The following BCAR3 variants were observed in gnomAD, a reference collection of about 807,000 sequenced individuals.
BCAR3 encodes breast cancer anti-estrogen resistance protein 3.
Under a neutral mutation model 80.1 loss-of-function variants are expected in BCAR3, and 37 were observed. That is an observed-to-expected ratio of 0.46 (90% CI 0.36 to 0.61). The LOEUF (loss-of-function observed/expected upper bound fraction) is 0.61, where lower values mean the gene tolerates loss of function less well. BCAR3 is among the 20% of genes least tolerant of loss of function. BCAR3 has a pLI of 0.00. For synonymous variants in BCAR3, 389 were observed against 418.9 expected (o/e 0.93, Z 0.87); for missense variants, 978 against 1,068.2 (o/e 0.92, Z 1.18).
intron 3 of BCAR3, among the ~76,000 whole-genome samples, chr1:93,611,507 T>C (rs1674944794): frequency 6.6e-6 from 1 of 152,256 alleles, no homozygotes; most frequent in South Asian, 2.1e-4. Flanking sequence ...ATGTAACGGC[T>C]GTCTACTGTG....
chr1:93,761,256 T>C (rs1571105542), intron 2 of BCAR3, among the ~76,000 whole-genome samples: 1 of 152,164 alleles, frequency 6.6e-6, no homozygotes, highest in East Asian at 1.9e-4. Flanking sequence ...TTTCCACCTA[T>C]TTCTGCTGAC....
intron 2 of BCAR3, among the ~76,000 whole-genome samples, chr1:93,707,478 G>A (rs1649865354): frequency 1.3e-5 from 2 of 152,130 alleles, no homozygotes; most frequent in African/African-American, 4.8e-5. Context: ...GGGAGGCCAA[G>A]GTGGGCAGAT....
At position 93,582,957 on chromosome 1, in the gene BCAR3, T is replaced by TG; in HGVS notation, c.1034-5dup. On this transcript the variant is annotated splice_polypyrimidine_tract_variant and splice_region_variant and intron_variant, in intron 6 of 11. Transcript: ENST00000260502. ...GACTGAGGTGGCAGCTTGCAGCCTG[T>TG]GGGGGATAAGAAAAGGTCAGAGAAA... 6.3e-7 allele frequency: 1 copy of TG among 1,578,110 alleles called. No homozygotes were observed. Among genetic ancestry groups the TG allele is most frequent in the Non-Finnish European group, 8.6e-7 (1 of 1,166,246 alleles).
intron 2 of BCAR3, among the ~76,000 whole-genome samples, chr1:93,843,572 C>T (rs1486742510): frequency 4.6e-5 from 7 of 152,168 alleles, no homozygotes; most frequent in African/African-American, 1.7e-4. Context: ...CTCTTAACTG[C>T]TACTACCACA....
At chr1:93,609,294 A>AAC (rs1161579001) in intron 3 of BCAR3, among the ~76,000 whole-genome samples, 2 of 152,196 alleles carry the variant, frequency 1.3e-5, no homozygotes, top group Non-Finnish European at 2.9e-5. Context: ...GCACATGTCT[A>AAC]ACATCCCTGC....
intron 3 of BCAR3, among the ~76,000 whole-genome samples, chr1:93,595,833 T>C (rs1674397706): frequency 6.6e-6 from 1 of 152,260 alleles, no homozygotes; most frequent in South Asian, 2.1e-4. Flanking sequence ...TCCTGCTTCA[T>C]AGCACTGGTC....
chr1:93,667,063 G>T (rs998957074), intron 2 of BCAR3, among the ~76,000 whole-genome samples: 5 of 152,146 alleles, frequency 3.3e-5, no homozygotes. Flanking sequence ...ACCCTTTGAG[G>T]ACATGGAGAC....
chr1:93,752,503 G>A (rs536216224), intron 2 of BCAR3, among the ~76,000 whole-genome samples: 5 of 152,210 alleles, frequency 3.3e-5, no homozygotes, highest in African/African-American at 1.2e-4. Flanking sequence ...CATGTCAATC[G>A]GTTGTGAAGT....
intron 1 of BCAR3, chr1:93,846,917 C>T (rs1655225390): frequency 3.1e-6 from 1 of 318,604 alleles, no homozygotes; most frequent in Non-Finnish European, 6.2e-6. Context: ...GCAACCCAAA[C>T]CCCGTTTTTC....
At chr1:93,694,629 C>T (rs1649321168) in intron 3 of BCAR3, among the ~76,000 whole-genome samples, 1 of 152,204 alleles carries the variant, frequency 6.6e-6, no homozygotes, top group Admixed American at 6.5e-5. Context: ...CTTTCCTGAT[C>T]ATTAAAGTCA....
At chr1:93,802,942 T>C (rs925487719) in intron 2 of BCAR3, among the ~76,000 whole-genome samples, 3 of 152,178 alleles carry the variant, frequency 2.0e-5, no homozygotes, top group African/African-American at 7.2e-5. Flanking sequence ...CTAATCGTGT[T>C]CAGGGTCAAA....
chr1:93,696,830 T>C (rs376984411), intron 3 of BCAR3, among the ~76,000 whole-genome samples: 10 of 152,360 alleles, frequency 6.6e-5, no homozygotes, highest in African/African-American at 1.4e-4. Flanking sequence ...GCAACTTCTC[T>C]TTTGGCTCTG....
chr1:93,619,236 G>A (rs1675238105), intron 3 of BCAR3, among the ~76,000 whole-genome samples: 1 of 151,636 alleles, frequency 6.6e-6, no homozygotes, highest in Non-Finnish European at 1.5e-5. Flanking sequence ...GTGAGCCACT[G>A]TGCCCAGCCA....
intron 11 of BCAR3, among the ~76,000 whole-genome samples, 177 bp from the exon 12 acceptor site, chr1:93,562,596 C>T (rs574218548): frequency 3.3e-5 from 5 of 151,834 alleles, no homozygotes; most frequent in South Asian, 2.1e-4. Context: ...AGTGAAATCC[C>T]GTCTCTACTA....
chr1:93,639,186 G>GA (rs1675900236), intron 3 of BCAR3, among the ~76,000 whole-genome samples: 1 of 152,078 alleles, frequency 6.6e-6, no homozygotes, highest in Admixed American at 6.6e-5. Flanking sequence ...CCGAGAAACC[G>GA]GTCCCCTTTC....
chr1:93,684,581 T>G (rs1358041663), upstream of BCAR3, among the ~76,000 whole-genome samples: 2 of 152,218 alleles, frequency 1.3e-5, no homozygotes, highest in Non-Finnish European at 2.9e-5. Context: ...GGCATCTCTA[T>G]CCTCATCTTA....
At position 93,575,145 on chromosome 1, in the gene BCAR3, C is replaced by T. The variant is rs1016562204; in HGVS notation, c.1802+869G>A. On this transcript the variant is annotated intron_variant, in intron 8 of 11. Transcript: ENST00000260502. ...TCAGGTGCCCGAGAGTGACATGTGGCTGGTGGCTACTGTAATAGCCAGTGC... is the reference window on the plus strand; with the variant it reads ...TCAGGTGCCCGAGAGTGACATGTGGTTGGTGGCTACTGTAATAGCCAGTGC... Among the ~76,000 whole-genome samples the T allele has an allele frequency of 3.9e-5, 6 of 152,086 alleles. No homozygotes were observed. In the South Asian group the frequency reaches 1.2e-3, roughly 32 times the overall value.
chr1:93,772,682 G>T (rs1002120922), intron 2 of BCAR3, among the ~76,000 whole-genome samples: 1 of 151,990 alleles, frequency 6.6e-6, no homozygotes, highest in Non-Finnish European at 1.5e-5. Context: ...TTGGCTCATT[G>T]CAACCTGCAC....
At chr1:93,844,304 C>G (rs965299492) in intron 2 of BCAR3, among the ~76,000 whole-genome samples, 6 of 152,110 alleles carry the variant, frequency 3.9e-5, no homozygotes, top group Admixed American at 2.0e-4. Flanking sequence ...GAGACTCTGT[C>G]TCAAAATAAA....
Sources: gnomAD v4.1 joint callset for allele counts (sites outside exome capture counted in the v4.1 genomes callset) on GRCh38, gnomAD v4.1.1 for gene constraint, MANE v1.5 for transcripts, NCBI Gene and HGNC (gene_info 2026-07-23, HGNC 2026-07-21) for gene names.